Variants in NEK1 observed in about 807,000 individuals in gnomAD.
NEK1 encodes the protein serine/threonine-protein kinase Nek1.
Under a neutral mutation model 182.1 loss-of-function variants are expected in NEK1, and 137 were observed. That is an observed-to-expected ratio of 0.75 (90% CI 0.65 to 0.87). The LOEUF (loss-of-function observed/expected upper bound fraction) is 0.87, where lower values mean the gene tolerates loss of function less well. NEK1 is among the 40% of genes least tolerant of loss of function. NEK1 has a pLI of 0.00. For synonymous variants in NEK1, 513 were observed against 492.2 expected, an observed-to-expected ratio of 1.04 and a Z score of -0.56; for missense variants, 1,391 against 1,494.4, an observed-to-expected ratio of 0.93 and a Z score of 1.14.
intron 28 of NEK1, 142 bp from the exon 29 acceptor site, chr4:169,433,807 G>T: frequency 1.3e-6 from 1 of 775,134 alleles, no homozygotes; most frequent in Non-Finnish European, 2.0e-6. Context: ...TCTCTCTATA[G>T]GGTTTAACTC....
At chr4:169,569,097 A>T (rs571101989) in intron 12 of NEK1, among the ~76,000 whole-genome samples, 14 of 152,344 alleles carry the variant, frequency 9.2e-5, no homozygotes, top group Non-Finnish European at 2.1e-4. Flanking sequence ...ATTAAAATAC[A>T]TACTTCACAG....
chr4:169,476,377 C>T (rs1746944265), intron 26 of NEK1, among the ~76,000 whole-genome samples: 2 of 152,060 alleles, frequency 1.3e-5, no homozygotes, highest in African/African-American at 4.8e-5. Context: ...TTCCACTAGA[C>T]CTTAAGCTCC....
intron 23 of NEK1, among the ~76,000 whole-genome samples, chr4:169,505,454 T>C (rs928820198): frequency 6.6e-6 from 1 of 152,250 alleles, no homozygotes; most frequent in African/African-American, 2.4e-5. Context: ...TCCTTTAGCT[T>C]TGTTGTAAGA....
At position 169,537,825 on chromosome 4, in the gene NEK1, C is replaced by T. The variant is rs767374907; in HGVS notation, c.1649G>A (p.Arg550Gln). Residue 550 changes from arginine (R) to glutamine (Q), a missense_variant, in exon 19 of 36, where the codon CGA (arginine) becomes CAA (glutamine). Coordinates refer to ENST00000507142, the MANE Select transcript of NEK1 (RefSeq NM_001199397.3). ...AATTCATACCATATGTCCTTCGGCTCGAGCTTTATTCTGCATAGCTTCCCG... is the reference window on the plus strand; with the variant it reads ...AATTCATACCATATGTCCTTCGGCTTGAGCTTTATTCTGCATAGCTTCCCG... ...RKREAMQNKA[R>Q]AEGHMGILQN... 1.2e-6 allele frequency: 2 copies of T among 1,612,698 alleles called. No individual in the cohort carries two copies. The highest frequency in any genetic ancestry group is 1.1e-5 in the South Asian group (1 of 90,958).
At chr4:169,448,430 T>C (rs1741010201) in intron 27 of NEK1, among the ~76,000 whole-genome samples, 1 of 150,502 alleles carries the variant, frequency 6.6e-6, no homozygotes, top group Non-Finnish European at 1.5e-5. Flanking sequence ...CCCTCAAAAA[T>C]AAAAAATCAT....
chr4:169,603,840 G>A (rs907038145), intron 2 of NEK1, among the ~76,000 whole-genome samples: 3 of 151,728 alleles, frequency 2.0e-5, no homozygotes, highest in African/African-American at 4.8e-5. Flanking sequence ...CAAGTAGCTA[G>A]GATTACAGGT....
At chr4:169,603,832 A>G (rs985022988) in intron 2 of NEK1, among the ~76,000 whole-genome samples, 2 of 151,336 alleles carry the variant, frequency 1.3e-5, no homozygotes, top group Non-Finnish European at 2.9e-5. Context: ...CAGCCTCCCA[A>G]GTAGCTAGGA....
intron 29 of NEK1, among the ~76,000 whole-genome samples, chr4:169,426,882 C>G (rs1736493200): frequency 6.6e-6 from 1 of 150,696 alleles, no homozygotes; most frequent in Non-Finnish European, 1.5e-5. Flanking sequence ...ATAAGATTCA[C>G]AAAAATATTT....
chr4:169,610,111 C>T (rs1321411848), intron 2 of NEK1, among the ~76,000 whole-genome samples: 2 of 151,850 alleles, frequency 1.3e-5, no homozygotes, highest in Non-Finnish European at 2.9e-5. Flanking sequence ...AAGTGATTCC[C>T]CTGCCTCAGC....
chr4:169,607,376 T>C (rs1771526966), intron 2 of NEK1, among the ~76,000 whole-genome samples: 1 of 152,168 alleles, frequency 6.6e-6, no homozygotes, highest in African/African-American at 2.4e-5. Flanking sequence ...GATTAATTAA[T>C]ATGTCTAAGA....
chr4:169,592,648 T>A (rs1581024754), intron 5 of NEK1, among the ~76,000 whole-genome samples: 1 of 151,740 alleles, frequency 6.6e-6, no homozygotes, highest in African/African-American at 2.4e-5. Context: ...AGGTAACATG[T>A]TTACCTTTTA....
At chr4:169,481,322 A>G (rs1441215948) in intron 23 of NEK1, among the ~76,000 whole-genome samples, 12 of 152,244 alleles carry the variant, frequency 7.9e-5, no homozygotes, top group Admixed American at 7.9e-4. Context: ...AATGGCATCT[A>G]GAATGATGAA....
intron 19 of NEK1, among the ~76,000 whole-genome samples, chr4:169,521,897 A>G (rs1756126895): frequency 6.6e-6 from 1 of 152,094 alleles, no homozygotes; most frequent in African/African-American, 2.4e-5. Flanking sequence ...ATTCGAGTTT[A>G]TCTTATTGTA....
chr4:169,608,128 C>T (rs1771705120), intron 2 of NEK1, among the ~76,000 whole-genome samples: 1 of 151,534 alleles, frequency 6.6e-6, no homozygotes, highest in African/African-American at 2.4e-5. Context: ...CACACACACA[C>T]ACACACACAC....
chr4:169,537,673 T>A, intron 19 of NEK1, 136 bp downstream of exon 19: 1 of 703,090 alleles, frequency 1.4e-6, no homozygotes, highest in East Asian at 2.5e-5. Context: ...TGCAAATGAC[T>A]TCTGAGTATC....
At chr4:169,523,203 C>T (rs1756374565) in intron 19 of NEK1, among the ~76,000 whole-genome samples, 1 of 152,160 alleles carries the variant, frequency 6.6e-6, no homozygotes, top group South Asian at 2.1e-4. Context: ...CAAAGTTTGA[C>T]ACAGTTACAC....
chr4:169,538,798 T>G (rs1368750485), intron 18 of NEK1, among the ~76,000 whole-genome samples: 2 of 152,164 alleles, frequency 1.3e-5, no homozygotes, highest in Non-Finnish European at 2.9e-5. Context: ...ATAACTAAAT[T>G]ATGTCCTGAA....
At chr4:169,499,615 C>G (rs1273957596) in intron 23 of NEK1, among the ~76,000 whole-genome samples, 1 of 152,158 alleles carries the variant, frequency 6.6e-6, no homozygotes, top group East Asian at 1.9e-4. Flanking sequence ...AGTTTTCCCC[C>G]CAACAGTCAG....
At chr4:169,426,829 G>T (rs1736486786) in intron 29 of NEK1, among the ~76,000 whole-genome samples, 1 of 152,082 alleles carries the variant, frequency 6.6e-6, no homozygotes, top group African/African-American at 2.4e-5. Context: ...GTATTAAATG[G>T]TGTTAGGTTT....
Sources: gnomAD v4.1 joint callset for allele counts (sites outside exome capture counted in the v4.1 genomes callset) on GRCh38, gnomAD v4.1.1 for gene constraint, MANE v1.5 for transcripts, NCBI Gene and HGNC (gene_info 2026-07-23, HGNC 2026-07-21) for gene names.